The following PDE4D variants were observed in gnomAD, a reference collection of about 807,000 sequenced individuals.
PDE4D encodes the protein 3',5'-cyclic-AMP phosphodiesterase 4D.
PDE4D carries 24 observed loss-of-function variants against 87.4 expected under a neutral mutation model. That is an observed-to-expected ratio of 0.27 (90% CI 0.20 to 0.39). PDE4D has a LOEUF of 0.39. Ranked by LOEUF, PDE4D falls within the 10% of genes least tolerant of loss-of-function variation. The probability of loss-of-function intolerance (pLI) is 1.00; values close to 1 mark genes in which losing one functional copy is unlikely to be tolerated. For synonymous variants in PDE4D, 384 were observed against 383.2 expected, an observed-to-expected ratio of 1.00 and a Z score of -0.02; for missense variants, 714 against 1,041.0, an observed-to-expected ratio of 0.69 and a Z score of 4.32.
At chr5:60,500,880 C>A (rs1750036226) in intron 1 of PDE4D, among the ~76,000 whole-genome samples, 2 of 152,074 alleles carry the variant, frequency 1.3e-5, no homozygotes, top group African/African-American at 4.8e-5. Flanking sequence ...TAAGGCAGGA[C>A]TGATATAATT....
intron 1 of PDE4D, among the ~76,000 whole-genome samples, chr5:59,394,989 G>C (rs528743444): frequency 6.6e-6 from 1 of 152,052 alleles, no homozygotes; most frequent in African/African-American, 2.4e-5. Context: ...CTGGAGAATC[G>C]GGTCACTCCC....
At chr5:60,334,508 T>C (rs1222175549) in intron 1 of PDE4D, among the ~76,000 whole-genome samples, 2 of 152,198 alleles carry the variant, frequency 1.3e-5, no homozygotes, top group African/African-American at 4.8e-5. Context: ...CATCAGGATT[T>C]CTGAGTCATC....
At chr5:59,011,552 G>A (rs1405136030) in intron 6 of PDE4D, among the ~76,000 whole-genome samples, 1 of 152,016 alleles carries the variant, frequency 6.6e-6, no homozygotes, top group East Asian at 1.9e-4. Flanking sequence ...ATCAGTGATT[G>A]AAGATGAAAT....
At chr5:60,203,935 T>C (rs968533593) in intron 1 of PDE4D, among the ~76,000 whole-genome samples, 4 of 152,216 alleles carry the variant, frequency 2.6e-5, no homozygotes, top group Non-Finnish European at 4.4e-5. Context: ...AGCAAAAGAT[T>C]AACATGTTTA....
At chr5:60,158,071 G>C (rs1028584313) in intron 2 of PDE4D, among the ~76,000 whole-genome samples, 1 of 152,168 alleles carries the variant, frequency 6.6e-6, no homozygotes, top group Non-Finnish European at 1.5e-5. Context: ...TGTGAGGATT[G>C]CATGAGTTAA....
intron 5 of PDE4D, among the ~76,000 whole-genome samples, chr5:59,096,650 A>G (rs1389860161): frequency 6.6e-6 from 1 of 152,220 alleles, no homozygotes; most frequent in Non-Finnish European, 1.5e-5. Flanking sequence ...ATGTGGATAG[A>G]GCAGAGAATG....
chr5:59,265,190 G>A (rs1171074081), intron 1 of PDE4D, among the ~76,000 whole-genome samples: 1 of 151,980 alleles, frequency 6.6e-6, no homozygotes, highest in Non-Finnish European at 1.5e-5. Flanking sequence ...TGCACCTAGA[G>A]ATAATGCTCA....
chr5:60,096,131 C>T (rs1775657309), intron 2 of PDE4D, among the ~76,000 whole-genome samples: 1 of 152,084 alleles, frequency 6.6e-6, no homozygotes, highest in Non-Finnish European at 1.5e-5. Context: ...GCTTTTGTTG[C>T]CATTGCTTTT....
At chr5:60,285,523 A>T (rs945442061) in intron 1 of PDE4D, among the ~76,000 whole-genome samples, 5 of 152,164 alleles carry the variant, frequency 3.3e-5, no homozygotes, top group Non-Finnish European at 5.9e-5. Flanking sequence ...ATCAAAACAC[A>T]CAGATATAAA....
chr5:59,717,555 T>C (rs1193387111), intron 1 of PDE4D, among the ~76,000 whole-genome samples: 1 of 152,028 alleles, frequency 6.6e-6, no homozygotes, highest in African/African-American at 2.4e-5. Context: ...TGTGGAAAAA[T>C]AAAACATTTA....
chr5:60,176,314 T>C (rs964656512), intron 2 of PDE4D, among the ~76,000 whole-genome samples: 1 of 152,170 alleles, frequency 6.6e-6, no homozygotes, highest in African/African-American at 2.4e-5. Flanking sequence ...GATTTGGAGT[T>C]GTTTGGTTGC....
chr5:60,346,194 T>C (rs1233196494), intron 1 of PDE4D, among the ~76,000 whole-genome samples: 1 of 152,168 alleles, frequency 6.6e-6, no homozygotes, highest in Non-Finnish European at 1.5e-5. Context: ...ATGGTAATGA[T>C]GAATAAGTTT....
chr5:59,857,238 A>G (rs1258785110), intron 1 of PDE4D, among the ~76,000 whole-genome samples: 1 of 152,196 alleles, frequency 6.6e-6, no homozygotes, highest in Non-Finnish European at 1.5e-5. Flanking sequence ...GCATTTGTCC[A>G]GAGCAGGGGA....
chr5:60,102,022 T>A (rs547494232), intron 2 of PDE4D, among the ~76,000 whole-genome samples: 2 of 152,146 alleles, frequency 1.3e-5, no homozygotes, highest in Non-Finnish European at 2.9e-5. Context: ...GAGACCTCAA[T>A]TGAGTTTGGA....
chr5:60,218,676 G>A (rs763170571), intron 1 of PDE4D, among the ~76,000 whole-genome samples: 7 of 152,034 alleles, frequency 4.6e-5, no homozygotes, highest in African/African-American at 4.8e-5. Context: ...TCCTAGATAA[G>A]TTGAGCAACA....
chr5:60,242,273 G>A (rs1747214731), intron 1 of PDE4D, among the ~76,000 whole-genome samples: 1 of 152,106 alleles, frequency 6.6e-6, no homozygotes, highest in African/African-American at 2.4e-5. Context: ...TTCAGGAAGA[G>A]GGTATAACAA....
intron 5 of PDE4D, among the ~76,000 whole-genome samples, chr5:59,140,951 A>T (rs1026471120): frequency 6.6e-6 from 1 of 152,222 alleles, no homozygotes; most frequent in Non-Finnish European, 1.5e-5. Flanking sequence ...ATATATATGC[A>T]TACAAGTGCT....
At chr5:59,989,087 C>T (rs911603115) in intron 2 of PDE4D, among the ~76,000 whole-genome samples, 1 of 100,436 alleles carries the variant, frequency 1.0e-5, no homozygotes, top group African/African-American at 3.5e-5. Flanking sequence ...ATGCATGTGT[C>T]ATATATATAT....
chr5:59,141,236 ACTGT>A (rs1420918708), intron 5 of PDE4D, among the ~76,000 whole-genome samples: 2 of 152,210 alleles, frequency 1.3e-5, no homozygotes, highest in Non-Finnish European at 1.5e-5. Flanking sequence ...AATGTATACC[ACTGT>A]CTAAGTCTTT....
Sources: gnomAD v4.1 joint callset for allele counts (sites outside exome capture counted in the v4.1 genomes callset) on GRCh38, gnomAD v4.1.1 for gene constraint, MANE v1.5 for transcripts, NCBI Gene and HGNC (gene_info 2026-07-23, HGNC 2026-07-21) for gene names.